SPMIP6: variants seen among roughly 807,000 people sequenced by gnomAD.
SPMIP6 encodes the protein ciliated bronchial epithelial protein 1.
chr9:34,387,405 G>A, the SPMIP6 span, among the ~76,000 whole-genome samples: 15 of 152,258 alleles, frequency 9.9e-5, no homozygotes, highest in African/African-American at 3.6e-4. Context: ...AGCTGACATT[G>A]TTCTGTGAGC....
At chr9:34,397,672 C>T in the SPMIP6 span, 10 of 1,544,044 alleles carry the variant, frequency 6.5e-6, no homozygotes, top group South Asian at 1.1e-4. Context: ...CTCTACCTGT[C>T]AAGGGCTCCT....
At chr9:34,397,470 C>G in the SPMIP6 span, 64 of 1,613,516 alleles carry the variant, frequency 4.0e-5, no homozygotes, top group Non-Finnish European at 5.3e-5. Flanking sequence ...ACACTCTGGC[C>G]TGCCCCTCCC....
At chr9:34,379,180 A>C in the SPMIP6 span, 1 of 1,605,494 alleles carries the variant, frequency 6.2e-7, no homozygotes, top group Non-Finnish European at 8.5e-7. The surrounding 1 kb of genome is among the most constrained non-coding windows in gnomAD (Gnocchi z 4.2). Context: ...CTTGTGTCCC[A>C]TCTACAGGAA....
At chr9:34,380,717 T>C in the SPMIP6 span, 4 of 1,548,296 alleles carry the variant, frequency 2.6e-6, no homozygotes, top group Middle Eastern at 1.7e-4. Flanking sequence ...CCCGCCTCAG[T>C]TGTTAGTTCA....
the SPMIP6 span, chr9:34,380,761 C>A: frequency 6.5e-7 from 1 of 1,548,060 alleles, no homozygotes; most frequent in Non-Finnish European, 8.7e-7. Context: ...CACGGCAGGG[C>A]CTCGAGAGCG....
At chr9:34,386,978 G>A in the SPMIP6 span, among the ~76,000 whole-genome samples, 3 of 152,074 alleles carry the variant, frequency 2.0e-5, no homozygotes, top group African/African-American at 4.8e-5. Context: ...TCCTCATAAC[G>A]GGCAGTGAGG....
At chr9:34,380,830 G>A in the SPMIP6 span, 8 of 1,521,678 alleles carry the variant, frequency 5.3e-6, no homozygotes, top group Non-Finnish European at 7.0e-6. Flanking sequence ...GGCTGGAAGG[G>A]GGCGGGGTTC....
the SPMIP6 span, chr9:34,382,545 A>G: frequency 3.5e-6 from 2 of 563,690 alleles, no homozygotes; most frequent in Non-Finnish European, 6.4e-6. Context: ...AGGTTGCGCC[A>G]CTGCGCTCCA....
chr9:34,379,703 C>T, the SPMIP6 span: 4 of 1,614,134 alleles, frequency 2.5e-6, no homozygotes, highest in Non-Finnish European at 2.5e-6. This position sits in a 1 kb window ranked among gnomAD's most constrained non-coding sequence, Gnocchi z 4.2. Context: ...ACACTGCATT[C>T]CGGGCCGGTG....
the SPMIP6 span, among the ~76,000 whole-genome samples, chr9:34,379,979 C>T: frequency 6.6e-6 from 1 of 152,182 alleles, no homozygotes; most frequent in Non-Finnish European, 1.5e-5. This position sits in a 1 kb window ranked among gnomAD's most constrained non-coding sequence, Gnocchi z 4.2. Flanking sequence ...TGGGGAAGGT[C>T]GGGCTCCGGG....
chr9:34,389,487 T>C, the SPMIP6 span, among the ~76,000 whole-genome samples: 2 of 152,180 alleles, frequency 1.3e-5, no homozygotes, highest in Admixed American at 6.5e-5. Context: ...CTTCAAAAAA[T>C]CCTTTTGGGA....
At chr9:34,397,394 A>ACACACACAT in the SPMIP6 span, 1 of 1,284,850 alleles carries the variant, frequency 7.8e-7, no homozygotes, top group African/African-American at 1.5e-5. Context: ...AAATGAATAA[A>ACACACACAT]ACACACACAT....
chr9:34,389,035 T>C, the SPMIP6 span, among the ~76,000 whole-genome samples: 2 of 150,362 alleles, frequency 1.3e-5, no homozygotes, highest in South Asian at 4.2e-4. Context: ...GGGCTAAAGC[T>C]ATCCTCTTGC....
chr9:34,379,068 C>T, the SPMIP6 span: 2 of 1,543,874 alleles, frequency 1.3e-6, no homozygotes, highest in Admixed American at 1.7e-5. This position sits in a 1 kb window ranked among gnomAD's most constrained non-coding sequence, Gnocchi z 4.2. Flanking sequence ...GCACAGCAAG[C>T]CCAGGCTCTA....
chr9:34,383,878 C>T, the SPMIP6 span, among the ~76,000 whole-genome samples: 2 of 152,178 alleles, frequency 1.3e-5, no homozygotes, highest in East Asian at 1.9e-4. Context: ...GTTATCCTTG[C>T]CTCACCTTTG....
chr9:34,379,801 A>G, the SPMIP6 span: 1 of 1,285,396 alleles, frequency 7.8e-7, no homozygotes, highest in East Asian at 2.3e-5. This position sits in a 1 kb window ranked among gnomAD's most constrained non-coding sequence, Gnocchi z 4.2. Flanking sequence ...GATTTAGACC[A>G]AGCCCCTGGG....
the SPMIP6 span, chr9:34,381,537 C>T: frequency 9.5e-6 from 15 of 1,573,888 alleles, no homozygotes; most frequent in Non-Finnish European, 1.3e-5. The surrounding 1 kb of genome is among the most constrained non-coding windows in gnomAD (Gnocchi z 4.4). Context: ...TATCGCCACG[C>T]CGCAACTTCT....
chr9:34,394,911 C>T, the SPMIP6 span, among the ~76,000 whole-genome samples: 1 of 151,888 alleles, frequency 6.6e-6, no homozygotes, highest in Non-Finnish European at 1.5e-5. Flanking sequence ...AGCAACAGGG[C>T]CCTTCAGAGT....
the SPMIP6 span, among the ~76,000 whole-genome samples, chr9:34,393,435 A>G: frequency 3.3e-5 from 5 of 152,196 alleles, no homozygotes; most frequent in South Asian, 4.1e-4. Context: ...GGTAATAAAC[A>G]TTTTCATTGT....
Sources: gnomAD v4.1 joint callset for allele counts (sites outside exome capture counted in the v4.1 genomes callset) on GRCh38, gnomAD v4.1.1 for gene constraint, Gnocchi (gnomAD v3.1) non-coding constraint, MANE v1.5 for transcripts, NCBI Gene and HGNC (gene_info 2026-07-23, HGNC 2026-07-21) for gene names.